The following RAI14 variants were observed in gnomAD, a reference collection of about 807,000 sequenced individuals.
The protein encoded by RAI14 is ankycorbin.
RAI14 carries 45 observed loss-of-function variants against 115.4 expected under a neutral mutation model. The observed-to-expected ratio is 0.39, with a 90% CI of 0.31 to 0.50. The LOEUF is 0.50. RAI14 is among the 20% of genes least tolerant of loss of function. The pLI, the probability that RAI14 is intolerant of heterozygous loss-of-function variation, is 0.85. For missense variants in RAI14, 939 were observed against 1,131.2 expected (o/e 0.83, Z 2.44); for synonymous variants, 371 against 415.4 (o/e 0.89, Z 1.30).
At chr5:34,807,712 C>A in intron 5 of RAI14, 88 bp from the exon 6 acceptor site, 1 of 1,022,830 alleles carries the variant, frequency 9.8e-7, no homozygotes, top group South Asian at 1.3e-5. Flanking sequence ...CCTAATAAGT[C>A]ACATCATACC....
chr5:34,732,172 G>A (rs1023165374), intron 2 of RAI14, among the ~76,000 whole-genome samples: 8 of 152,188 alleles, frequency 5.3e-5, no homozygotes, highest in African/African-American at 1.9e-4. Context: ...CTGCCCAAGA[G>A]GCCTGGGCTC....
intron 12 of RAI14, among the ~76,000 whole-genome samples, chr5:34,818,092 G>T (rs1756458223): frequency 6.6e-6 from 1 of 152,176 alleles, no homozygotes; most frequent in Non-Finnish European, 1.5e-5. Context: ...TTTTACAAAG[G>T]TATCTCTGCT....
chr5:34,740,978 CATT>C lies in RAI14; in HGVS notation c.37-16488_37-16486del, dbSNP rs1233029467. Among the ~76,000 whole-genome samples, 13 of 152,304 alleles carry C rather than the reference CATT, an allele frequency of 8.5e-5. 1 individual carries two copies. In the South Asian group the frequency reaches 2.7e-3, roughly 32 times the overall value. ...ACTACTTAAAATTAACCTCTGATAA[CATT>C]AGACATCGTGCTCATATGTGTGTAG... is the stretch of plus-strand genomic sequence containing the variant. On this transcript the variant is annotated intron_variant, in intron 2 of 17. Transcript: ENST00000265109.
At chr5:34,815,236 C>T (rs1756078920) in intron 12 of RAI14, among the ~76,000 whole-genome samples, 1 of 152,092 alleles carries the variant, frequency 6.6e-6, no homozygotes, top group Non-Finnish European at 1.5e-5. Context: ...CAAAAATTAG[C>T]TGGGCATGAT....
At chr5:34,774,230 A>G (rs1282232129) in intron 3 of RAI14, among the ~76,000 whole-genome samples, 1 of 151,664 alleles carries the variant, frequency 6.6e-6, no homozygotes, top group Non-Finnish European at 1.5e-5. Flanking sequence ...GGCACCTCCC[A>G]TAGCAGGCAC....
chr5:34,703,892 A>G (rs1479688326), intron 2 of RAI14, among the ~76,000 whole-genome samples: 2 of 152,168 alleles, frequency 1.3e-5, no homozygotes, highest in African/African-American at 4.8e-5. Context: ...CTTTAATGTG[A>G]TGGTTCTTTT....
chr5:34,829,808 GC>G lies in RAI14; in HGVS notation c.2865+15del, dbSNP rs746521206. ...CTGTATGCTGTGCAGGTATGGTTAT[GC>G]CCCTTGAAGTATCTGGACATCCTAA... On this transcript the variant is annotated intron_variant, in intron 17 of 17. Transcript: ENST00000265109. 5.0e-6 allele frequency: 8 copies of G among 1,595,818 alleles called. No homozygotes were observed. In the South Asian group the frequency reaches 9.1e-5, roughly 18 times the overall value.
intron 3 of RAI14, among the ~76,000 whole-genome samples, chr5:34,764,998 C>T (rs184387166): frequency 3.9e-5 from 6 of 152,236 alleles, no homozygotes; most frequent in East Asian, 1.9e-4. Flanking sequence ...ATAAGTCTCA[C>T]GAGATCTGAT....
intron 2 of RAI14, among the ~76,000 whole-genome samples, chr5:34,704,766 C>T (rs1418405289): frequency 6.6e-6 from 1 of 152,060 alleles, no homozygotes; most frequent in Admixed American, 6.6e-5. Flanking sequence ...AAATTGTTAC[C>T]TTTATTTCCT....
chr5:34,765,189 A>G (rs1749200977), intron 3 of RAI14, among the ~76,000 whole-genome samples: 1 of 152,204 alleles, frequency 6.6e-6, no homozygotes. Flanking sequence ...CAGCATGAAA[A>G]TGGACTAACA....
chr5:34,748,025 T>C (rs1746513074), intron 2 of RAI14, among the ~76,000 whole-genome samples: 1 of 152,152 alleles, frequency 6.6e-6, no homozygotes, highest in Non-Finnish European at 1.5e-5. Flanking sequence ...CTGGTGGCCA[T>C]GAAGGGCTGG....
chr5:34,728,871 A>G (rs1248916941), intron 2 of RAI14, among the ~76,000 whole-genome samples: 2 of 151,850 alleles, frequency 1.3e-5, no homozygotes, highest in Non-Finnish European at 2.9e-5. Flanking sequence ...GCAGTGAGCC[A>G]TGATGGCGTC....
At position 34,684,337 on chromosome 5, in the gene RAI14, T is replaced by C. The variant is rs114351523; in HGVS notation, c.-48-2535T>C. Among the ~76,000 whole-genome samples the C allele has an allele frequency of 4.8e-3, 725 of 152,286 alleles. 9 individuals are homozygous for C. Among genetic ancestry groups the C allele is most frequent in the African/African-American group, 0.015 (636 of 41,548 alleles). On this transcript the variant is annotated intron_variant, in intron 1 of 17. Transcript: ENST00000265109. ...TTTTAATAGGACAGGGGCTAAAAGA[T>C]TGCATTTAGTCCCCAGGTCCTTCTG...
At chr5:34,767,342 T>A (rs954978480) in intron 3 of RAI14, among the ~76,000 whole-genome samples, 3 of 152,104 alleles carry the variant, frequency 2.0e-5, no homozygotes, top group Non-Finnish European at 4.4e-5. Context: ...GGAAACGTAG[T>A]TGGCTGTGAT....
At chr5:34,712,719 A>G (rs574799676) in intron 2 of RAI14, among the ~76,000 whole-genome samples, 1 of 152,338 alleles carries the variant, frequency 6.6e-6, no homozygotes, top group African/African-American at 2.4e-5. Context: ...AACAGGTGTC[A>G]TAAGCAAGAA....
intron 3 of RAI14, among the ~76,000 whole-genome samples, chr5:34,764,108 C>T (rs577766633): frequency 6.6e-6 from 1 of 152,332 alleles, no homozygotes; most frequent in East Asian, 1.9e-4. Flanking sequence ...GCCTTGGCCT[C>T]CCAAAGTGCT....
chr5:34,820,225 A>G (rs1342099324), intron 13 of RAI14, among the ~76,000 whole-genome samples: 4 of 152,228 alleles, frequency 2.6e-5, no homozygotes, highest in African/African-American at 9.6e-5. Flanking sequence ...AAAGCATAGC[A>G]TTAAAAATTT....
chr5:34,774,023 G>GA (rs966022533), intron 3 of RAI14, among the ~76,000 whole-genome samples: 4 of 151,916 alleles, frequency 2.6e-5, no homozygotes. Flanking sequence ...TTTTATATTG[G>GA]AAAAAAACCA....
chr5:34,670,715 C>A (rs1743553201), intron 1 of RAI14, among the ~76,000 whole-genome samples: 1 of 152,200 alleles, frequency 6.6e-6, no homozygotes, highest in South Asian at 2.1e-4. Flanking sequence ...AGCATTCTCC[C>A]TATTTACCTT....
Sources: gnomAD v4.1 joint callset for allele counts (sites outside exome capture counted in the v4.1 genomes callset) on GRCh38, gnomAD v4.1.1 for gene constraint, MANE v1.5 for transcripts, NCBI Gene and HGNC (gene_info 2026-07-23, HGNC 2026-07-21) for gene names.